The following CNTNAP2 variants were observed in gnomAD, a reference collection of about 807,000 sequenced individuals.
CNTNAP2 encodes the protein contactin associated protein 2, also known as contactin-associated protein-like 2.
CNTNAP2 carries 98 observed loss-of-function variants against 155.2 expected under a neutral mutation model. That is an observed-to-expected ratio of 0.63 (90% CI 0.54 to 0.75). The LOEUF (loss-of-function observed/expected upper bound fraction) is 0.75, where lower values mean the gene tolerates loss of function less well. Among genes scored for constraint, CNTNAP2 ranks in the 30% least tolerant of loss-of-function variants. The pLI, the probability that CNTNAP2 is intolerant of heterozygous loss-of-function variation, is 0.00. For synonymous variants in CNTNAP2, 651 were observed against 631.2 expected, an observed-to-expected ratio of 1.03 and a Z score of -0.47; for missense variants, 1,727 against 1,688.1, an observed-to-expected ratio of 1.02 and a Z score of -0.40.
intron 10 of CNTNAP2, among the ~76,000 whole-genome samples, chr7:147,433,569 G>A (rs1797500090): frequency 6.6e-6 from 1 of 152,128 alleles, no homozygotes; most frequent in African/African-American, 2.4e-5. Flanking sequence ...TGACTGAGGA[G>A]GACAAGTTGT....
intron 11 of CNTNAP2, 144 bp downstream of exon 11, chr7:147,486,185 C>CA: frequency 1.9e-6 from 1 of 514,672 alleles, no homozygotes; most frequent in South Asian, 2.4e-5. Flanking sequence ...TGTCATTTCT[C>CA]CAAAAAAAAA....
intron 1 of CNTNAP2, among the ~76,000 whole-genome samples, chr7:146,539,537 GA>G (rs5888211): frequency 0.067 from 9,918 of 148,888 alleles, 371 homozygotes; most frequent in Middle Eastern, 0.14. Flanking sequence ...GTAGAAACAT[GA>G]AAAAAAAAAT....
intron 18 of CNTNAP2, among the ~76,000 whole-genome samples, chr7:148,180,091 T>C (rs1001718559): frequency 2.0e-5 from 3 of 152,334 alleles, no homozygotes; most frequent in South Asian, 2.1e-4. Context: ...AGTATGCATC[T>C]TAGAATTTCA....
intron 12 of CNTNAP2, among the ~76,000 whole-genome samples, chr7:147,568,253 A>G (rs2116802390): frequency 6.6e-6 from 1 of 152,206 alleles, no homozygotes; most frequent in Non-Finnish European, 1.5e-5. Context: ...CTTGCAGTCA[A>G]ATAATTTAGA....
chr7:146,416,297 T>TAA (rs1390415275), intron 1 of CNTNAP2, among the ~76,000 whole-genome samples: 2 of 150,636 alleles, frequency 1.3e-5, no homozygotes, highest in African/African-American at 4.9e-5. Flanking sequence ...CCTATATATA[T>TAA]AATATAAAAT....
intron 1 of CNTNAP2, among the ~76,000 whole-genome samples, chr7:146,457,651 G>A (rs1305814760): frequency 2.7e-5 from 4 of 149,562 alleles, no homozygotes; most frequent in East Asian, 2.0e-4. Flanking sequence ...CTACAGGTAC[G>A]TGCCACCATG....
intron 1 of CNTNAP2, among the ~76,000 whole-genome samples, chr7:146,153,279 A>G (rs1222488341): frequency 6.6e-6 from 1 of 152,172 alleles, no homozygotes; most frequent in Non-Finnish European, 1.5e-5. Flanking sequence ...GAGTACAGTT[A>G]CACGTTCCAA....
In CNTNAP2 at chr7:147,385,767, A is replaced by G. The variant is rs564166356; in HGVS notation, c.1499-9842A>G. ...AGTGCAAGCTGTAGGTGGATCTACC[A>G]TTCTGGAGTCTGGAGGATGGTGGCC... On this transcript the variant is annotated intron_variant, in intron 9 of 23. Coordinates refer to ENST00000361727, the MANE Select transcript of CNTNAP2 (RefSeq NM_014141.6). Among the ~76,000 whole-genome samples, 4 of 152,298 alleles carry G rather than the reference A, an allele frequency of 2.6e-5. No homozygotes were observed. In the South Asian group the frequency reaches 8.3e-4, roughly 32 times the overall value.
chr7:146,941,392 C>A (rs905356027), intron 3 of CNTNAP2, among the ~76,000 whole-genome samples: 1 of 152,174 alleles, frequency 6.6e-6, no homozygotes, highest in Admixed American at 6.5e-5. Context: ...TCTACTTCCC[C>A]TCTACATTTC....
intron 3 of CNTNAP2, among the ~76,000 whole-genome samples, chr7:147,004,065 G>T (rs186620372): frequency 1.4e-3 from 215 of 151,846 alleles, no homozygotes; most frequent in South Asian, 3.1e-3. Context: ...GTTTTTGCTT[G>T]TTAATTAGGT....
At chr7:146,887,374 T>C (rs1173479100) in intron 3 of CNTNAP2, among the ~76,000 whole-genome samples, 1 of 151,870 alleles carries the variant, frequency 6.6e-6, no homozygotes, top group Non-Finnish European at 1.5e-5. Context: ...GACAGGTTTC[T>C]CCATGTTGGC....
chr7:147,617,708 T>C (rs985965381), intron 12 of CNTNAP2, among the ~76,000 whole-genome samples: 2 of 152,136 alleles, frequency 1.3e-5, no homozygotes, highest in South Asian at 4.1e-4. Flanking sequence ...TTCTATTATT[T>C]TGCCACTATC....
chr7:146,120,252 G>T (rs1311050726), intron 1 of CNTNAP2, among the ~76,000 whole-genome samples: 1 of 152,026 alleles, frequency 6.6e-6, no homozygotes, highest in East Asian at 1.9e-4. Flanking sequence ...TAATGAACTT[G>T]TCTTAATGAA....
intron 21 of CNTNAP2, among the ~76,000 whole-genome samples, chr7:148,284,096 G>GT (rs1797037887): frequency 6.6e-6 from 1 of 152,286 alleles, no homozygotes; most frequent in South Asian, 2.1e-4. Context: ...GATACATTAT[G>GT]TTTTTATATT....
intron 13 of CNTNAP2, among the ~76,000 whole-genome samples, chr7:147,654,381 A>G (rs1045894142): frequency 3.3e-5 from 5 of 152,216 alleles, no homozygotes; most frequent in African/African-American, 9.6e-5. Context: ...AAGATAATCA[A>G]TGGCAATGAT....
At chr7:147,594,013 C>T (rs1186927572) in intron 12 of CNTNAP2, among the ~76,000 whole-genome samples, 5 of 152,052 alleles carry the variant, frequency 3.3e-5, no homozygotes, top group African/African-American at 7.2e-5. Flanking sequence ...AAGAGACAGA[C>T]GCAGGGGTTG....
chr7:148,013,149 C>T (rs1233853702), intron 15 of CNTNAP2: 2 of 152,154 alleles, frequency 1.3e-5, no homozygotes, highest in Non-Finnish European at 2.9e-5. Flanking sequence ...TCTCCACCCC[C>T]ACACCAACAT....
At chr7:146,675,502 G>A (rs1290422375) in intron 1 of CNTNAP2, among the ~76,000 whole-genome samples, 1 of 152,060 alleles carries the variant, frequency 6.6e-6, no homozygotes, top group Admixed American at 6.6e-5. Context: ...TTAAATGATG[G>A]GCAAGGCTTT....
intron 3 of CNTNAP2, among the ~76,000 whole-genome samples, chr7:146,971,025 C>T (rs180792166): frequency 6.6e-6 from 1 of 152,088 alleles, no homozygotes; most frequent in Non-Finnish European, 1.5e-5. Flanking sequence ...AACACATGGA[C>T]ACAGGAAGGG....
Sources: gnomAD v4.1 joint callset for allele counts (sites outside exome capture counted in the v4.1 genomes callset) on GRCh38, gnomAD v4.1.1 for gene constraint, MANE v1.5 for transcripts, NCBI Gene and HGNC (gene_info 2026-07-23, HGNC 2026-07-21) for gene names.